BBS9: variants seen among roughly 807,000 people sequenced by gnomAD.
The protein encoded by BBS9 is Bardet-Biedl syndrome 9.
In BBS9, 89 loss-of-function variants were observed where a neutral mutation model predicts 117.7. That is an observed-to-expected ratio of 0.76 (90% CI 0.64 to 0.90). The LOEUF (loss-of-function observed/expected upper bound fraction) is 0.90. Among genes scored for constraint, BBS9 ranks in the 40% least tolerant of loss-of-function variants. BBS9 has a pLI of 0.00. For synonymous variants in BBS9, 379 were observed against 370.9 expected, an observed-to-expected ratio of 1.02 and a Z score of -0.25; for missense variants, 982 against 1,042.2, an observed-to-expected ratio of 0.94 and a Z score of 0.80.
chr7:33,257,141 G>T, intron 5 of BBS9, 95 bp from the exon 6 acceptor site: 1 of 790,128 alleles, frequency 1.3e-6, no homozygotes. Flanking sequence ...ATGTAAAATT[G>T]GTGCCTAAGA....
intron 5 of BBS9, among the ~76,000 whole-genome samples, chr7:33,238,750 A>G (rs911133739): frequency 2.0e-5 from 3 of 152,116 alleles, no homozygotes; most frequent in Non-Finnish European, 4.4e-5. Flanking sequence ...GTGAATTTAT[A>G]TGCAGTAAAA....
At chr7:33,147,929 C>T (rs1228160979) in intron 2 of BBS9, among the ~76,000 whole-genome samples, 2 of 141,626 alleles carry the variant, frequency 1.4e-5, no homozygotes, top group Admixed American at 1.4e-4. Context: ...TCATTGTGTT[C>T]CAAAGCCTGT....
chr7:33,447,861 G>A (rs182725996), intron 19 of BBS9, among the ~76,000 whole-genome samples: 1 of 152,166 alleles, frequency 6.6e-6, no homozygotes, highest in East Asian at 1.9e-4. Context: ...GATATATGTT[G>A]TTCAGGTTCT....
intron 9 of BBS9, among the ~76,000 whole-genome samples, chr7:33,302,435 CTTTTTATTTGA>C (rs1806676305): frequency 6.6e-6 from 1 of 152,038 alleles, no homozygotes; most frequent in Non-Finnish European, 1.5e-5. Flanking sequence ...TCTTTAATCC[CTTTTTATTTGA>C]TTTTTGTATA....
intron 9 of BBS9, among the ~76,000 whole-genome samples, chr7:33,296,297 A>G (rs569743617): frequency 7.0e-4 from 106 of 152,304 alleles, no homozygotes; most frequent in Non-Finnish European, 1.3e-3. Flanking sequence ...TGTGGAAAAT[A>G]TCACATACCG....
chr7:33,582,737 A>G (rs773829135), intron 21 of BBS9, among the ~76,000 whole-genome samples: 19 of 152,172 alleles, frequency 1.2e-4, no homozygotes, highest in Non-Finnish European at 2.2e-4. Context: ...GTATGTTTAC[A>G]TGGACTTAAA....
chr7:33,420,508 C>T (rs910769488), intron 19 of BBS9, among the ~76,000 whole-genome samples: 12 of 152,142 alleles, frequency 7.9e-5, no homozygotes, highest in Admixed American at 3.3e-4. Flanking sequence ...GATACTGTTA[C>T]GAGGTTTGGG....
intron 2 of BBS9, 119 bp from the exon 3 acceptor site, chr7:33,152,582 G>A (rs1046099293): frequency 3.1e-6 from 3 of 979,852 alleles, no homozygotes; most frequent in Admixed American, 2.5e-5. Flanking sequence ...TGTGTATAAA[G>A]CAAGACTGAA....
chr7:33,335,310 T>G (rs1815106698), intron 9 of BBS9, among the ~76,000 whole-genome samples: 1 of 152,224 alleles, frequency 6.6e-6, no homozygotes, highest in African/African-American at 2.4e-5. Context: ...CTTAAGTGAT[T>G]CTTTGCCTCT....
chr7:33,573,876 G>T (rs546307931), intron 21 of BBS9, among the ~76,000 whole-genome samples: 2 of 152,102 alleles, frequency 1.3e-5, no homozygotes, highest in African/African-American at 4.8e-5. Flanking sequence ...CTACTTAGTT[G>T]TTCCCATTTC....
chr7:33,315,648 A>G (rs934051961), intron 9 of BBS9, among the ~76,000 whole-genome samples: 2 of 152,204 alleles, frequency 1.3e-5, no homozygotes, highest in Admixed American at 1.3e-4. Context: ...TAGGGGTGGA[A>G]GAGAACATTT....
intron 4 of BBS9, among the ~76,000 whole-genome samples, chr7:33,158,423 ATAATTT>A (rs1462162713): frequency 6.6e-6 from 1 of 152,216 alleles, no homozygotes; most frequent in African/African-American, 2.4e-5. Flanking sequence ...ACCTATGCAA[ATAATTT>A]TAATATTATG....
chr7:33,579,835 G>C (rs1038934176), intron 21 of BBS9, among the ~76,000 whole-genome samples: 1 of 152,150 alleles, frequency 6.6e-6, no homozygotes, highest in Admixed American at 6.5e-5. Context: ...TCAACTGGAT[G>C]AATTCATTCA....
intron 12 of BBS9, 80 bp from the exon 13 acceptor site, chr7:33,348,988 G>T: frequency 1.0e-6 from 1 of 988,550 alleles, no homozygotes; most frequent in Non-Finnish European, 1.6e-6. Flanking sequence ...TTATTTGCTA[G>T]TTATGTTTAA....
At chr7:33,282,434 G>A (rs192599947) in intron 9 of BBS9, among the ~76,000 whole-genome samples, 21 of 152,046 alleles carry the variant, frequency 1.4e-4, no homozygotes, top group East Asian at 5.8e-4. Context: ...GTGCAGTGGC[G>A]TGATCTCAGC....
chr7:33,335,290 A>G (rs999634315), intron 9 of BBS9, among the ~76,000 whole-genome samples: 7 of 152,168 alleles, frequency 4.6e-5, no homozygotes, highest in Admixed American at 6.5e-5. Context: ...GCTGGATTCA[A>G]ACTCCTGGGC....
intron 19 of BBS9, among the ~76,000 whole-genome samples, chr7:33,398,993 T>A (rs897870214): frequency 2.0e-5 from 3 of 152,210 alleles, no homozygotes; most frequent in African/African-American, 7.2e-5. Context: ...ATGTGTTTTA[T>A]TTAACTCTAT....
intron 19 of BBS9, among the ~76,000 whole-genome samples, chr7:33,490,849 A>T (rs1843793214): frequency 6.6e-6 from 1 of 152,218 alleles, no homozygotes; most frequent in Admixed American, 6.5e-5. Flanking sequence ...GTGGAAGTTA[A>T]TTTTCTAGCT....
At chr7:33,399,930 G>T (rs778054034) in intron 19 of BBS9, among the ~76,000 whole-genome samples, 1 of 152,102 alleles carries the variant, frequency 6.6e-6, no homozygotes, top group Non-Finnish European at 1.5e-5. Flanking sequence ...ATTATCGTAT[G>T]AAAACATTCT....
Sources: allele counts gnomAD v4.1 joint callset (sites outside exome capture counted in the v4.1 genomes callset), GRCh38; gene constraint gnomAD v4.1.1; transcripts MANE v1.5; gene names NCBI Gene and HGNC (gene_info 2026-07-23, HGNC 2026-07-21).